The following PTPRM variants were observed in gnomAD, a reference collection of about 807,000 sequenced individuals.
The protein encoded by PTPRM is receptor-type tyrosine-protein phosphatase mu.
Under a neutral mutation model 186.7 loss-of-function variants are expected in PTPRM, and 47 were observed. The ratio of observed to expected loss-of-function variants is 0.25; its 90% confidence interval spans 0.20 to 0.32. PTPRM has a LOEUF of 0.32. Ranked by LOEUF, PTPRM falls within the 10% of genes least tolerant of loss-of-function variation. PTPRM has a pLI of 1.00. For missense variants in PTPRM, 1,494 were observed against 1,865.0 expected (o/e 0.80, Z 3.66); for synonymous variants, 668 against 674.9 (o/e 0.99, Z 0.16).
chr18:8,245,031 G>A lies in PTPRM; in HGVS notation c.2452+822G>A, dbSNP rs575546497. On this transcript the variant is annotated intron_variant, in intron 15 of 32. Transcript: ENST00000580170. ...CTATTCCTGTTACAAAAAAATAATC[G>A]TAGTATTTTAAAGGCCGGTGGGCCT... 5.9e-5 allele frequency among the ~76,000 whole-genome samples: 9 copies of A among 152,268 alleles called. No individual in the cohort carries two copies. In the South Asian group the frequency reaches 8.3e-4, roughly 14 times the overall value.
chr18:8,245,991 G>A (rs1044622285), intron 15 of PTPRM, among the ~76,000 whole-genome samples: 2 of 152,186 alleles, frequency 1.3e-5, no homozygotes, highest in African/African-American at 4.8e-5. Flanking sequence ...TCGGCTATTA[G>A]ACGTTATTTT....
chr18:7,677,195 G>A (rs1333293429), intron 1 of PTPRM, among the ~76,000 whole-genome samples: 1 of 152,114 alleles, frequency 6.6e-6, no homozygotes, highest in Non-Finnish European at 1.5e-5. Context: ...GCCACCTGAT[G>A]GTATACATAT....
chr18:8,396,270 T>G (rs2095844852), intron 32 of PTPRM, among the ~76,000 whole-genome samples: 1 of 152,246 alleles, frequency 6.6e-6, no homozygotes, highest in Non-Finnish European at 1.5e-5. Context: ...AATGAAATAT[T>G]CTGCCTGTGG....
intron 2 of PTPRM, among the ~76,000 whole-genome samples, chr18:7,843,009 C>T (rs964624087): frequency 5.6e-5 from 8 of 143,200 alleles, no homozygotes; most frequent in African/African-American, 2.1e-4. Flanking sequence ...TCTGGAGATT[C>T]ATGTAGTGCC....
At chr18:7,856,743 C>CAAAAAA (rs5822986) in intron 2 of PTPRM, among the ~76,000 whole-genome samples, 1 of 140,588 alleles carries the variant, frequency 7.1e-6, no homozygotes, top group Non-Finnish European at 1.5e-5. Flanking sequence ...GACCCTGTCT[C>CAAAAAA]AAAAAAAAAA....
chr18:8,378,138 C>T (rs1187606542), intron 26 of PTPRM, 127 bp from the exon 27 acceptor site: 1 of 973,922 alleles, frequency 1.0e-6, no homozygotes, highest in Non-Finnish European at 1.5e-6. Context: ...CACTTGAGCC[C>T]TTGGACCGTG....
At chr18:7,932,851 T>C (rs1431688149) in intron 5 of PTPRM, among the ~76,000 whole-genome samples, 1 of 152,224 alleles carries the variant, frequency 6.6e-6, no homozygotes, top group African/African-American at 2.4e-5. Context: ...ATGATGTTAC[T>C]GTAAAGTACA....
At chr18:8,069,323 A>C (rs2089313672) in intron 7 of PTPRM, among the ~76,000 whole-genome samples, 1 of 152,164 alleles carries the variant, frequency 6.6e-6, no homozygotes, top group East Asian at 1.9e-4. Flanking sequence ...CTCATGGTTC[A>C]CCATGGCTGC....
At chr18:7,849,859 A>G (rs1407527323) in intron 2 of PTPRM, among the ~76,000 whole-genome samples, 1 of 152,236 alleles carries the variant, frequency 6.6e-6, no homozygotes, top group Admixed American at 6.5e-5. Context: ...ACTATCTTCC[A>G]AACAGCATGG....
At chr18:7,980,617 C>G (rs1568120862) in intron 7 of PTPRM, among the ~76,000 whole-genome samples, 1 of 152,084 alleles carries the variant, frequency 6.6e-6, no homozygotes, top group Non-Finnish European at 1.5e-5. Flanking sequence ...CTCCTGGGCT[C>G]AAACAGTCCT....
intron 24 of PTPRM, among the ~76,000 whole-genome samples, chr18:8,372,417 A>G (rs2095669070): frequency 6.6e-6 from 1 of 152,156 alleles, no homozygotes; most frequent in Non-Finnish European, 1.5e-5. Context: ...TTTTTAGATG[A>G]ACAAGACCAG....
chr18:7,744,835 A>G (rs2040952571), intron 1 of PTPRM, among the ~76,000 whole-genome samples: 1 of 152,188 alleles, frequency 6.6e-6, no homozygotes, highest in African/African-American at 2.4e-5. Flanking sequence ...CTCATAAGAA[A>G]AAAACAAAAG....
chr18:8,282,936 T>A (rs1450760272), intron 19 of PTPRM, among the ~76,000 whole-genome samples: 1 of 152,138 alleles, frequency 6.6e-6, no homozygotes, highest in Non-Finnish European at 1.5e-5. Flanking sequence ...AGACAACAAC[T>A]TGGATGGATC....
At chr18:8,405,376 G>T (rs2095899605) in intron 32 of PTPRM, among the ~76,000 whole-genome samples, 1 of 152,102 alleles carries the variant, frequency 6.6e-6, no homozygotes, top group Non-Finnish European at 1.5e-5. Flanking sequence ...AGAGGGTTAT[G>T]CCAGGACAAC....
At chr18:7,609,106 T>C (rs999160815) in intron 1 of PTPRM, among the ~76,000 whole-genome samples, 10 of 152,220 alleles carry the variant, frequency 6.6e-5, no homozygotes, top group African/African-American at 2.2e-4. Flanking sequence ...TGTTCATTCC[T>C]TCCTAGTGTA....
chr18:7,687,600 GTATT>G (rs2039632929), intron 1 of PTPRM, among the ~76,000 whole-genome samples: 1 of 151,972 alleles, frequency 6.6e-6, no homozygotes, highest in Non-Finnish European at 1.5e-5. Flanking sequence ...TTTAAAATGC[GTATT>G]TAAACATTAT....
intron 14 of PTPRM, among the ~76,000 whole-genome samples, chr18:8,151,690 T>TG (rs796972127): frequency 1.4e-3 from 152 of 110,388 alleles, no homozygotes; most frequent in African/African-American, 5.5e-3. Flanking sequence ...CACTGGGGTA[T>TG]GGAAAAAAAA....
chr18:7,941,690 C>T (rs1599639870), intron 5 of PTPRM, among the ~76,000 whole-genome samples: 1 of 152,220 alleles, frequency 6.6e-6, no homozygotes, highest in African/African-American at 2.4e-5. Context: ...GCACCAGAAA[C>T]AGACGTCAGC....
At chr18:7,893,001 A>C (rs750442878) in intron 3 of PTPRM, among the ~76,000 whole-genome samples, 3 of 152,234 alleles carry the variant, frequency 2.0e-5, no homozygotes, top group Non-Finnish European at 2.9e-5. Context: ...GTACACAAAC[A>C]TTCAGTTCAT....
Sources: allele counts gnomAD v4.1 joint callset (sites outside exome capture counted in the v4.1 genomes callset), GRCh38; gene constraint gnomAD v4.1.1; transcripts MANE v1.5; gene names NCBI Gene and HGNC (gene_info 2026-07-23, HGNC 2026-07-21).